The following STXBP5L variants were observed in gnomAD, a reference collection of about 807,000 sequenced individuals.
The protein encoded by STXBP5L is syntaxin-binding protein 5-like.
A neutral mutation model predicts 144.5 loss-of-function variants in STXBP5L; 65 were observed. The ratio of observed to expected loss-of-function variants is 0.45; its 90% CI spans 0.37 to 0.55. The LOEUF (loss-of-function observed/expected upper bound fraction) is 0.55, where lower values mean the gene tolerates loss of function less well. Among genes scored for constraint, STXBP5L ranks in the 20% least tolerant of loss-of-function variants. STXBP5L has a pLI of 0.00. For missense variants in STXBP5L, 1,298 were observed against 1,405.5 expected (o/e 0.92, Z 1.22); for synonymous variants, 505 against 469.6 (o/e 1.08, Z -0.97).
At chr3:120,989,034 A>G (rs578191982) in intron 3 of STXBP5L, among the ~76,000 whole-genome samples, 14 of 152,278 alleles carry the variant, frequency 9.2e-5, no homozygotes, top group Non-Finnish European at 1.6e-4. Context: ...CATGGAATAT[A>G]TATACACCAC....
intron 5 of STXBP5L, among the ~76,000 whole-genome samples, chr3:121,076,927 G>C (rs978129517): frequency 6.6e-6 from 1 of 152,062 alleles, no homozygotes; most frequent in Non-Finnish European, 1.5e-5. Flanking sequence ...CTTAATTCCT[G>C]TCACAGCTAG....
At chr3:121,018,884 A>G (rs1945336972) in intron 3 of STXBP5L, among the ~76,000 whole-genome samples, 1 of 152,220 alleles carries the variant, frequency 6.6e-6, no homozygotes, top group Non-Finnish European at 1.5e-5. Context: ...GACCCTTTGA[A>G]GGAGGTGGAT....
At chr3:120,981,325 AATG>A (rs1485629074) in intron 3 of STXBP5L, among the ~76,000 whole-genome samples, 3 of 152,262 alleles carry the variant, frequency 2.0e-5, no homozygotes, top group East Asian at 1.9e-4. Flanking sequence ...CTTCTGAAAC[AATG>A]ATAACTCATA....
At chr3:121,264,053 G>A (rs1366749640) in intron 18 of STXBP5L, among the ~76,000 whole-genome samples, 1 of 152,166 alleles carries the variant, frequency 6.6e-6, no homozygotes, top group East Asian at 1.9e-4. Flanking sequence ...GTTAAGGGCA[G>A]CCAGAGAGAA....
chr3:121,178,714 A>C (rs556729633), intron 9 of STXBP5L, among the ~76,000 whole-genome samples: 1 of 152,102 alleles, frequency 6.6e-6, no homozygotes, highest in Non-Finnish European at 1.5e-5. Flanking sequence ...GGATTTAGGG[A>C]ATGGTGCAAA....
intron 9 of STXBP5L, among the ~76,000 whole-genome samples, chr3:121,174,966 T>G (rs2046876460): frequency 6.6e-6 from 1 of 152,068 alleles, no homozygotes; most frequent in Non-Finnish European, 1.5e-5. Context: ...CAACCCTACC[T>G]TTAGAGGAAT....
At chr3:121,315,183 C>T (rs1439195339) in intron 19 of STXBP5L, among the ~76,000 whole-genome samples, 1 of 152,114 alleles carries the variant, frequency 6.6e-6, no homozygotes, top group Non-Finnish European at 1.5e-5. Flanking sequence ...GACACATGCA[C>T]ACGTATGTTT....
At chr3:121,093,441 A>C (rs1430402541) in intron 5 of STXBP5L, among the ~76,000 whole-genome samples, 1 of 152,152 alleles carries the variant, frequency 6.6e-6, no homozygotes, top group Non-Finnish European at 1.5e-5. Flanking sequence ...TTATTGCCAC[A>C]ATTTCAGCTC....
intron 3 of STXBP5L, among the ~76,000 whole-genome samples, chr3:120,991,018 G>T (rs1204940135): frequency 6.6e-6 from 1 of 151,996 alleles, no homozygotes; most frequent in African/African-American, 2.4e-5. Context: ...CACAGCAAAA[G>T]AAACTACCAT....
At chr3:120,973,903 G>A (rs1263623353) in intron 3 of STXBP5L, among the ~76,000 whole-genome samples, 2 of 152,108 alleles carry the variant, frequency 1.3e-5, no homozygotes, top group African/African-American at 4.8e-5. Flanking sequence ...AGTATTCCAT[G>A]GTGTATATAT....
chr3:121,088,324 A>C (rs1402222942), intron 5 of STXBP5L, among the ~76,000 whole-genome samples: 2 of 117,024 alleles, frequency 1.7e-5, no homozygotes, highest in Non-Finnish European at 3.5e-5. Context: ...TTATGCAGCC[A>C]AAAAACACAT....
chr3:120,933,761 A>G (rs1177067424), intron 2 of STXBP5L, among the ~76,000 whole-genome samples: 3 of 152,160 alleles, frequency 2.0e-5, no homozygotes, highest in African/African-American at 7.2e-5. Flanking sequence ...AAAGAGTGAT[A>G]TGGGAGGAAC....
At chr3:121,239,469 A>C (rs1340045285) in intron 13 of STXBP5L, among the ~76,000 whole-genome samples, 1 of 151,266 alleles carries the variant, frequency 6.6e-6, no homozygotes, top group Non-Finnish European at 1.5e-5. Flanking sequence ...TAAATGTCCA[A>C]CAATGATAGA....
At chr3:121,023,461 A>G (rs1945706135) in intron 3 of STXBP5L, among the ~76,000 whole-genome samples, 1 of 152,184 alleles carries the variant, frequency 6.6e-6, no homozygotes, top group Non-Finnish European at 1.5e-5. Flanking sequence ...AAAAGAACAA[A>G]TATGGAGGTA....
intron 20 of STXBP5L, among the ~76,000 whole-genome samples, chr3:121,355,627 C>A (rs1478792383): frequency 6.6e-6 from 1 of 152,114 alleles, no homozygotes; most frequent in Non-Finnish European, 1.5e-5. Flanking sequence ...GTGATGGGTT[C>A]TAACCTGCTC....
chr3:121,065,734 A>G (rs1157557861), intron 5 of STXBP5L, among the ~76,000 whole-genome samples: 1 of 152,184 alleles, frequency 6.6e-6, no homozygotes, highest in African/African-American at 2.4e-5. Flanking sequence ...GAATTAAAAA[A>G]TATATATTAT....
At chr3:121,096,318 G>A (rs1355105496) in intron 5 of STXBP5L, among the ~76,000 whole-genome samples, 1 of 152,154 alleles carries the variant, frequency 6.6e-6, no homozygotes, top group African/African-American at 2.4e-5. Flanking sequence ...TTAGCCTGGA[G>A]GAGTTTGTTG....
intron 5 of STXBP5L, among the ~76,000 whole-genome samples, chr3:121,079,450 A>G (rs1289483158): frequency 1.3e-5 from 2 of 152,236 alleles, no homozygotes; most frequent in Non-Finnish European, 2.9e-5. Context: ...CAGCGAGAAG[A>G]CAGGCTGTTA....
intron 5 of STXBP5L, among the ~76,000 whole-genome samples, chr3:121,047,560 G>A (rs1947604930): frequency 6.6e-6 from 1 of 152,150 alleles, no homozygotes; most frequent in African/African-American, 2.4e-5. Context: ...TATATATTTA[G>A]GATAGTTAGG....
Sources: gnomAD v4.1 joint callset for allele counts (sites outside exome capture counted in the v4.1 genomes callset) on GRCh38, gnomAD v4.1.1 for gene constraint, MANE v1.5 for transcripts, NCBI Gene and HGNC (gene_info 2026-07-23, HGNC 2026-07-21) for gene names.